Variants in MRPL38 observed in about 807,000 individuals in gnomAD.
The protein encoded by MRPL38 is large ribosomal subunit protein mL38.
In MRPL38, 51 loss-of-function variants were observed where a neutral mutation model predicts 52.1. The ratio of observed to expected loss-of-function variants is 0.98; its 90% CI spans 0.78 to 1.24. The LOEUF (loss-of-function observed/expected upper bound fraction) is 1.24. Ranked by LOEUF, MRPL38 falls within the 50% of genes most tolerant of loss-of-function variation. The pLI, the probability that MRPL38 is intolerant of heterozygous loss-of-function variation, is 0.00. For missense variants in MRPL38, 527 were observed against 518.6 expected (o/e 1.02, Z -0.16); for synonymous variants, 245 against 212.7 (o/e 1.15, Z -1.32).
chr17:75,900,784 T>C, intron 6 of MRPL38, 198 bp downstream of exon 6: 1 of 1,402,648 alleles, frequency 7.1e-7, no homozygotes, highest in Non-Finnish European at 9.2e-7. Context: ...CGAGGCCTAC[T>C]GCAAACTTTG....
Position 75,899,180 on chromosome 17 carries a change from G to A in MRPL38, c.984C>T (p.Thr328=). The part of the protein sequence containing the change: ...FFQCRWDDSV[T]YIFHQLLDMR... Reference sequence around the variant, plus strand: ...TACCCAGAAGCTGGTGGAAGATGTAGGTGACGGAGTCATCCCAGCGGCACT... The same window carrying A: ...TACCCAGAAGCTGGTGGAAGATGTAAGTGACGGAGTCATCCCAGCGGCACT... The change falls in exon 8 of 9, where the codon ACC becomes ACT. Residue 328 remains threonine (T), a synonymous_variant. Coordinates refer to ENST00000309352, the MANE Select transcript of MRPL38 (RefSeq NM_032478.4). The A allele has an allele frequency of 6.2e-7, 1 of 1,604,704 alleles. No homozygotes were observed. The highest frequency in any genetic ancestry group is 2.2e-5 in the East Asian group (1 of 44,564).
chr17:75,901,696 A>G lies in MRPL38; in HGVS notation c.591+16T>C. The stretch of plus-strand genomic sequence containing the variant: ...TTTGCACAGGGCAGGGAGGAGGGGC[A>G]CAAGTGAGTGGTTACCTCGGTTGGA... On this transcript the variant is annotated intron_variant, in intron 4 of 8. Coordinates refer to ENST00000309352, the MANE Select transcript of MRPL38 (RefSeq NM_032478.4). This position sits in a 1 kb window ranked among gnomAD's most constrained non-coding sequence, Gnocchi z 5.7. 6.2e-7 allele frequency: 1 copy of G among 1,610,786 alleles called. No individual in the cohort carries two copies. The highest frequency in any genetic ancestry group is 8.5e-7 in the Non-Finnish European group (1 of 1,177,074).
chr17:75,899,476 C>A, intron 7 of MRPL38, 40 bp downstream of exon 7: 2 of 1,548,492 alleles, frequency 1.3e-6, no homozygotes, highest in Non-Finnish European at 1.7e-6. Context: ...TCCAGGGGAG[C>A]TGGCCTGAGG....
chr17:75,901,281 G>A lies in MRPL38; in HGVS notation c.592-8C>T, dbSNP rs201055830. 1,344 of 1,612,542 alleles carry A rather than the reference G, an allele frequency of 8.3e-4. 1 individual carries two copies. The highest frequency in any genetic ancestry group is 2.6e-3 in the Middle Eastern group (16 of 6,058). Reference sequence around the variant, plus strand: ...CTCTGGCGCTTGGGCAGCCTGGCAGGGTGAGAAGGAAGCTGTCAGCCCCAC... The same window carrying A: ...CTCTGGCGCTTGGGCAGCCTGGCAGAGTGAGAAGGAAGCTGTCAGCCCCAC... On this transcript the variant is annotated splice_region_variant and splice_polypyrimidine_tract_variant and intron_variant, in intron 4 of 8. Coordinates refer to ENST00000309352, the MANE Select transcript of MRPL38 (RefSeq NM_032478.4). The surrounding 1 kb of genome is among the most constrained non-coding windows in gnomAD (Gnocchi z 5.7).
At chr17:75,904,762 G>C (rs1292038714) in intron 1 of MRPL38, 43 bp from the exon 2 acceptor site, 37 of 1,427,958 alleles carry the variant, frequency 2.6e-5, no homozygotes, top group Non-Finnish European at 3.4e-5. Context: ...CCCACAGCTC[G>C]GGCGACAGCC....
intron 8 of MRPL38, 62 bp downstream of exon 8, chr17:75,899,096 G>A: frequency 6.5e-7 from 1 of 1,550,194 alleles, no homozygotes. Flanking sequence ...GCTTCTCCCT[G>A]GCAGGGCAGG....
At position 75,901,551 on chromosome 17, in the gene MRPL38, A is replaced by C; in HGVS notation, c.591+161T>G. Reference sequence around the variant, plus strand: ...CTAAGACAGAGCCTCTTTTTCCTTCATTTTGTTCTATTTTCTTTGAAATTG... The same window carrying C: ...CTAAGACAGAGCCTCTTTTTCCTTCCTTTTGTTCTATTTTCTTTGAAATTG... On this transcript the variant is annotated intron_variant, in intron 4 of 8. Coordinates refer to ENST00000309352, the MANE Select transcript of MRPL38 (RefSeq NM_032478.4). The surrounding 1 kb of genome is among the most constrained non-coding windows in gnomAD (Gnocchi z 5.7). The C allele has an allele frequency of 1.4e-6, 1 of 700,734 alleles. No individual in the cohort carries two copies. Among genetic ancestry groups the C allele is most frequent in the East Asian group, 2.7e-5 (1 of 36,844 alleles). 43.4% of individuals were successfully genotyped at this position (700,734 alleles called of 1,614,324 possible).
chr17:75,903,490 G>A (rs957574253), intron 2 of MRPL38, among the ~76,000 whole-genome samples: 2 of 152,118 alleles, frequency 1.3e-5, no homozygotes, highest in African/African-American at 2.4e-5. Flanking sequence ...CCAATGAATT[G>A]CCTCTTTTAA....
chr17:75,899,269 G>A lies in MRPL38; in HGVS notation c.895C>T (p.Arg299Cys), dbSNP rs370720812. The A allele has an allele frequency of 1.1e-4, 171 of 1,612,658 alleles. 1 individual carries two copies. In the South Asian group the frequency reaches 1.5e-3, roughly 14 times the overall value. Residue 299 changes from arginine (R) to cysteine (C), a missense_variant, in exon 8 of 9, where the codon CGC becomes TGC. Transcript: ENST00000309352. ...PCYQLAQRTF[R>C]TFDFYKKHQE... ...TGTTTCTTGTAGAAATCAAAAGTGCGGAAGGTCCGCTGGGCCAGCTGATAG... is the reference window on the plus strand; with the variant it reads ...TGTTTCTTGTAGAAATCAAAAGTGCAGAAGGTCCGCTGGGCCAGCTGATAG...
intron 6 of MRPL38, 79 bp from the exon 7 acceptor site, chr17:75,899,753 G>T (rs1178595157): frequency 1.6e-6 from 2 of 1,264,726 alleles, no homozygotes; most frequent in African/African-American, 3.0e-5. Context: ...GCACACCCTA[G>T]AGGCTGACAT....
In MRPL38 at chr17:75,898,750, T is replaced by G. The variant is rs1414721916; in HGVS notation, c.*100A>C. The G allele has an allele frequency of 2.7e-6, 4 of 1,479,938 alleles. No homozygotes were observed. Among genetic ancestry groups the G allele is most frequent in the Non-Finnish European group, 3.7e-6 (4 of 1,088,210 alleles). The allele number at this position is 1,479,938 out of a possible 1,614,324, so 91.7% of individuals were successfully genotyped here. On this transcript the variant is annotated 3_prime_UTR_variant, in exon 9 of 9. Transcript: ENST00000309352. ...GAGGGGGCCAAAGAGGGGGGCTGCCTAAGGCAGGGCCCAGACCCCACAGTG... is the reference window on the plus strand; with the variant it reads ...GAGGGGGCCAAAGAGGGGGGCTGCCGAAGGCAGGGCCCAGACCCCACAGTG...
In MRPL38 at chr17:75,901,521, A is replaced by G; in HGVS notation, c.591+191T>C. ...CACAGACAGCAGGCTGGTCACAGGA[A>G]TGTGCTAAGACAGAGCCTCTTTTTC... On this transcript the variant is annotated intron_variant, in intron 4 of 8. Coordinates refer to ENST00000309352, the MANE Select transcript of MRPL38 (RefSeq NM_032478.4). This position sits in a 1 kb window ranked among gnomAD's most constrained non-coding sequence, Gnocchi z 5.7. 3.0e-6 allele frequency: 2 copies of G among 663,666 alleles called. No individual in the cohort carries two copies. The allele number at this position is 663,666 out of a possible 1,614,324, so 41.1% of individuals were successfully genotyped here. A position where few individuals can be genotyped will look rare whatever the true frequency, so the allele number is the denominator to read the frequency against.
In MRPL38 at chr17:75,901,690, A is replaced by AG; in HGVS notation, c.591+21dup. 4.4e-6 allele frequency: 7 copies of AG among 1,604,466 alleles called. No individual in the cohort carries two copies. Among genetic ancestry groups the AG allele is most frequent in the Non-Finnish European group, 6.0e-6 (7 of 1,171,484 alleles). On this transcript the variant is annotated intron_variant, in intron 4 of 8. Coordinates refer to ENST00000309352, the MANE Select transcript of MRPL38 (RefSeq NM_032478.4). This position sits in a 1 kb window ranked among gnomAD's most constrained non-coding sequence, Gnocchi z 5.7. Reference sequence around the variant, plus strand: ...TCTGTGTTTGCACAGGGCAGGGAGGAGGGGCACAAGTGAGTGGTTACCTCG... The same window carrying AG: ...TCTGTGTTTGCACAGGGCAGGGAGGAGGGGGCACAAGTGAGTGGTTACCTCG...
At chr17:75,904,142 A>G in intron 2 of MRPL38, 1 of 451,178 alleles carries the variant, frequency 2.2e-6, no homozygotes, top group Non-Finnish European at 4.6e-6. Context: ...AGGGCAAGAC[A>G]AGCAGGATCC....
chr17:75,901,664 G>C lies in MRPL38; in HGVS notation c.591+48C>G. On this transcript the variant is annotated intron_variant, in intron 4 of 8. Coordinates refer to ENST00000309352, the MANE Select transcript of MRPL38 (RefSeq NM_032478.4). The surrounding 1 kb of genome is among the most constrained non-coding windows in gnomAD (Gnocchi z 5.7). ...TGTCTGTGACACTGAGATGGGATGT[G>C]TCTGTGTTTGCACAGGGCAGGGAGG... The C allele has an allele frequency of 6.6e-7, 1 of 1,518,604 alleles. No homozygotes were observed. Among genetic ancestry groups the C allele is most frequent in the Non-Finnish European group, 9.1e-7 (1 of 1,094,460 alleles). The allele number at this position is 1,518,604 out of a possible 1,614,324, so 94.1% of individuals were successfully genotyped here.
Position 75,901,918 on chromosome 17 carries a change from T to C in MRPL38, c.385A>G (p.Ser129Gly), listed in dbSNP as rs1461106239. ...EERAARLRTA[S>G]VPLDAVRAEW... The stretch of plus-strand genomic sequence containing the variant: ...GCCCGCACGGCATCCAGCGGGACAC[T>C]GGCTAGACAGGAATAAGGCCAGTTG... The change falls in exon 4 of 9, where the codon AGT (serine) becomes GGT (glycine). Residue 129 changes from serine (S) to glycine (G), a missense_variant and splice_region_variant. Ser to Gly is a moderately conservative substitution (Grantham distance 56, BLOSUM62 0). Coordinates refer to ENST00000309352, the MANE Select transcript of MRPL38 (RefSeq NM_032478.4). The surrounding 1 kb of genome is among the most constrained non-coding windows in gnomAD (Gnocchi z 5.7). 1 of 1,349,484 alleles carries C rather than the reference T, an allele frequency of 7.4e-7. No homozygotes were observed. The highest frequency in any genetic ancestry group is 9.8e-7 in the Non-Finnish European group (1 of 1,016,232). 83.6% of individuals were successfully genotyped at this position (1,349,484 alleles called of 1,614,324 possible).
rs1599472309 is a variant in MRPL38, at chr17:75,899,963, C to G, written c.711-289G>C. On this transcript the variant is annotated intron_variant, in intron 6 of 8. Transcript: ENST00000309352. ...GCCCCGGGAGCCGGTGGGTCCGCCA[C>G]AGTCACTGAGGCTAGAAAGCCAGGC... 2.0e-5 allele frequency: 5 copies of G among 248,552 alleles called. No homozygotes were observed. In the East Asian group the frequency reaches 3.8e-4, roughly 19 times the overall value. 15.4% of individuals were successfully genotyped at this position (248,552 alleles called of 1,614,324 possible).
At position 75,901,963 on chromosome 17, in the gene MRPL38, G is replaced by T. The variant is rs2065406823; in HGVS notation, c.383-43C>A. On this transcript the variant is annotated intron_variant, in intron 3 of 8. Transcript: ENST00000309352. The surrounding 1 kb of genome is among the most constrained non-coding windows in gnomAD (Gnocchi z 5.7). The stretch of plus-strand genomic sequence containing the variant: ...CAGTTGGGATACGGGGGTGGGGGGG[G>T]CAGGGACACACCCTGTACCCCAACT... 3.4e-6 allele frequency: 4 copies of T among 1,185,268 alleles called. No homozygotes were observed. In the East Asian group the frequency reaches 1.2e-4, roughly 35 times the overall value. The allele number at this position is 1,185,268 out of a possible 1,614,324, so 73.4% of individuals were successfully genotyped here.
At chr17:75,903,718 G>A (rs1186411531) in intron 2 of MRPL38, among the ~76,000 whole-genome samples, 1 of 151,822 alleles carries the variant, frequency 6.6e-6, no homozygotes, top group Admixed American at 6.6e-5. Flanking sequence ...CTTAAAGGTT[G>A]GGGTCTTTTT....
Sources: allele counts gnomAD v4.1 joint callset (sites outside exome capture counted in the v4.1 genomes callset), GRCh38; gene constraint gnomAD v4.1.1; non-coding constraint Gnocchi (gnomAD v3.1); transcripts MANE v1.5; gene names NCBI Gene and HGNC (gene_info 2026-07-23, HGNC 2026-07-21).